PRR5: variants seen among roughly 807,000 people sequenced by gnomAD.
PRR5 encodes the protein proline rich 5, also known as proline-rich protein 5.
A neutral mutation model predicts 30.6 loss-of-function variants in PRR5; 25 were observed. That is an observed-to-expected ratio of 0.82 (90% CI 0.60 to 1.14). The LOEUF is 1.14. Among genes scored for constraint, PRR5 ranks in the 50% most tolerant of loss-of-function variants. The pLI is 0.00. For missense variants in PRR5, 600 were observed against 547.1 expected, an observed-to-expected ratio of 1.10 and a Z score of -0.96; for synonymous variants, 286 against 247.1, an observed-to-expected ratio of 1.16 and a Z score of -1.48.
chr22:44,736,893 G>T lies in PRR5; in HGVS notation c.813G>T (p.Ala271=), dbSNP rs747242549. 1 of 1,608,932 alleles carries T rather than the reference G, an allele frequency of 6.2e-7. No individual in the cohort carries two copies. The highest frequency in any genetic ancestry group is 1.7e-5 in the Admixed American group (1 of 59,942). The part of the protein sequence containing the change: ...NPVQEHEAEG[A]AAGGTSIRRH... ...TGCAGGAGCACGAGGCGGAGGGCGC[G>T]GCGGCCGGCGGTACCAGCATCCGCA... is the stretch of plus-strand genomic sequence containing the variant. Residue 271 remains alanine (A), a synonymous_variant, in exon 8 of 8, where the codon GCG becomes GCT. Coordinates refer to ENST00000336985, the MANE Select transcript of PRR5 (RefSeq NM_181333.4).
chr22:44,710,839 G>A (rs986600855), intron 1 of PRR5, among the ~76,000 whole-genome samples: 8 of 152,142 alleles, frequency 5.3e-5, no homozygotes, highest in African/African-American at 9.7e-5. Context: ...CCAAGGTGTG[G>A]TAGATACAAG....
chr22:44,688,378 C>T (rs115820363), intron 1 of PRR5, among the ~76,000 whole-genome samples: 1,976 of 152,090 alleles, frequency 0.013, 51 homozygotes, highest in South Asian at 0.066. Context: ...AGCGAGACTT[C>T]GTCTCAAAAG....
At position 44,702,748 on chromosome 22, in the gene PRR5, G is replaced by C. The variant is rs983774054; in HGVS notation, c.134+140G>C. On this transcript the variant is annotated intron_variant, in intron 1 of 7. Transcript: ENST00000336985. ...GCGCTTCACAGTTTGCAAAGAACTT[G>C]CCCCGCCGGAGTGGTGCGGGCCTGG... The C allele has an allele frequency of 5.9e-6, 7 of 1,190,532 alleles. No homozygotes were observed. In the African/African-American group the frequency reaches 1.1e-4, roughly 19 times the overall value. 73.7% of individuals were successfully genotyped at this position (1,190,532 alleles called of 1,614,324 possible).
At chr22:44,697,376 G>T (rs554300092), upstream of PRR5, among the ~76,000 whole-genome samples, 4 of 152,312 alleles carry the variant, frequency 2.6e-5, 1 homozygote, top group East Asian at 7.8e-4. Context: ...CCCTCACAGG[G>T]CAGTGGTGTC....
chr22:44,731,598 C>A, intron 4 of PRR5, 132 bp from the exon 5 acceptor site: 4 of 817,582 alleles, frequency 4.9e-6, no homozygotes, highest in South Asian at 4.4e-5. Flanking sequence ...TGGACATCGA[C>A]CTTGGGCAGG....
chr22:44,736,785 C>A lies in PRR5; in HGVS notation c.705C>A (p.Leu235=), dbSNP rs139706999. 6.4e-4 allele frequency: 994 copies of A among 1,549,368 alleles called. 2 individuals carry two copies. Among genetic ancestry groups the A allele is most frequent in the Middle Eastern group, 2.0e-3 (9 of 4,486 alleles). ...THSCILEKRL[L]RRSRSGDVLA... Reference sequence around the variant, plus strand: ...GTCTCTCCCCAGAAAAGCGCCTCCTCCGCCGCTCCCGCTCGGGGGACGTGC... The same window carrying A: ...GTCTCTCCCCAGAAAAGCGCCTCCTACGCCGCTCCCGCTCGGGGGACGTGC... Residue 235 remains leucine (L), a synonymous_variant, in exon 8 of 8, where the codon CTC becomes CTA. Transcript: ENST00000336985.
At chr22:44,679,811 G>A (rs1480387995) in intron 1 of PRR5, 2 of 1,598,826 alleles carry the variant, frequency 1.3e-6, no homozygotes, top group Middle Eastern at 1.7e-4. Context: ...TGGTGTGTTT[G>A]GAACTTTCAC....
chr22:44,676,426 A>AAAGAG (rs1011007143), upstream of PRR5, among the ~76,000 whole-genome samples: 2 of 148,130 alleles, frequency 1.4e-5, no homozygotes, highest in Middle Eastern at 3.5e-3. Context: ...GAAAGAAAGA[A>AAAGAG]AAGAGAAGAG....
Position 44,725,363 on chromosome 22 carries a change from G to GC in PRR5, c.264+76dup, listed in dbSNP as rs1277958611. 23 of 1,594,496 alleles carry GC rather than the reference G, an allele frequency of 1.4e-5. No individual in the cohort carries two copies. The African/African-American group carries it at 1.5e-4, about 10-fold the overall frequency. ...AGCCAGAAAGCACAGGGGCTCACCT[G>GC]CCCCCGGGGGTGTGGAGCGCCGGCT... On this transcript the variant is annotated intron_variant, in intron 3 of 7. Transcript: ENST00000336985.
chr22:44,721,220 C>T (rs975482318), intron 2 of PRR5, among the ~76,000 whole-genome samples: 7 of 152,160 alleles, frequency 4.6e-5, no homozygotes, highest in African/African-American at 7.2e-5. Context: ...TTATTGAAAA[C>T]GAAAGCACAC....
chr22:44,719,960 G>T (rs1929680448), intron 2 of PRR5, among the ~76,000 whole-genome samples: 1 of 152,212 alleles, frequency 6.6e-6, no homozygotes, highest in African/African-American at 2.4e-5. Flanking sequence ...GACATCCCAG[G>T]TATACCCAGG....
chr22:44,696,345 A>C (rs534822213), intron 1 of PRR5, among the ~76,000 whole-genome samples: 12 of 152,296 alleles, frequency 7.9e-5, no homozygotes, highest in Middle Eastern at 3.4e-3. Context: ...CTTATACCAC[A>C]GAGGCACCTA....
upstream of PRR5, among the ~76,000 whole-genome samples, chr22:44,698,908 C>T (rs1488986369): frequency 6.6e-6 from 1 of 152,182 alleles, no homozygotes; most frequent in African/African-American, 2.4e-5. Context: ...TGGCCTCTGC[C>T]TGGGGTTTCT....
intron 1 of PRR5, among the ~76,000 whole-genome samples, chr22:44,687,838 G>A (rs1290382517): frequency 5.3e-5 from 8 of 152,022 alleles, no homozygotes; most frequent in South Asian, 2.1e-4. Context: ...GCATTGGCGC[G>A]ATCTCGGCTC....
chr22:44,680,790 G>A (rs907796475), intron 1 of PRR5, among the ~76,000 whole-genome samples: 16 of 152,192 alleles, frequency 1.1e-4, no homozygotes, highest in Admixed American at 5.2e-4. Flanking sequence ...CTGCCTAGAG[G>A]CTCAGAGTCC....
At chr22:44,693,458 C>CAAAAAAAAAAAAAAA (rs1216543034) in intron 1 of PRR5, among the ~76,000 whole-genome samples, 1 of 147,764 alleles carries the variant, frequency 6.8e-6, no homozygotes, top group Non-Finnish European at 1.5e-5. Flanking sequence ...GACCCTGTCT[C>CAAAAAAAAAAAAAAA]AAAAAAAAAG....
rs570670994 is a variant in PRR5 at position 44,683,651 on chromosome 22, C to A, written c.-11+6411C>A. Among the ~76,000 whole-genome samples, 16 of 152,318 alleles carry A rather than the reference C, an allele frequency of 1.1e-4. No homozygotes were observed. In the South Asian group the frequency reaches 3.1e-3, roughly 30 times the overall value. On this transcript the variant is annotated intron_variant, in intron 1 of 8. Coordinates refer to the PRR5 transcript ENST00000006251. ...CCCTGCCTTAGGCCCCAACAAAGGG[C>A]AACTCATAGACCCTTGGGGACCTCT... is the stretch of plus-strand genomic sequence containing the variant.
intron 1 of PRR5, among the ~76,000 whole-genome samples, chr22:44,678,982 G>A (rs576422468): frequency 2.6e-5 from 4 of 152,152 alleles, no homozygotes; most frequent in Non-Finnish European, 5.9e-5. Context: ...CTGGACAGTG[G>A]AAAATTAAGA....
At chr22:44,692,799 G>A (rs1026653241) in intron 1 of PRR5, among the ~76,000 whole-genome samples, 3 of 152,236 alleles carry the variant, frequency 2.0e-5, no homozygotes, top group Non-Finnish European at 2.9e-5. Flanking sequence ...TCTGCAGAGC[G>A]GGGATGTTCC....
Sources: gnomAD v4.1 joint callset for allele counts (sites outside exome capture counted in the v4.1 genomes callset) on GRCh38, gnomAD v4.1.1 for gene constraint, MANE v1.5 for transcripts, NCBI Gene and HGNC (gene_info 2026-07-23, HGNC 2026-07-21) for gene names.